Variants in XPO6 observed in about 807,000 individuals in gnomAD.
XPO6 encodes the protein exportin-6.
A neutral mutation model predicts 130.0 loss-of-function variants in XPO6; 3 were observed. That is an observed-to-expected ratio of 0.02 (90% CI 0.01 to 0.06). The LOEUF (loss-of-function observed/expected upper bound fraction) is 0.06, where lower values mean the gene tolerates loss of function less well. Ranked by LOEUF, XPO6 falls within the 10% of genes least tolerant of loss-of-function variation. XPO6 has a pLI of 1.00. For synonymous variants in XPO6, 524 were observed against 548.9 expected, an observed-to-expected ratio of 0.95 and a Z score of 0.63; for missense variants, 970 against 1,393.0, an observed-to-expected ratio of 0.70 and a Z score of 4.83.
At chr16:28,119,177 G>C (rs1049286868) in intron 14 of XPO6, among the ~76,000 whole-genome samples, 1 of 151,498 alleles carries the variant, frequency 6.6e-6, no homozygotes, top group East Asian at 1.9e-4. Context: ...CACTATGTCC[G>C]GCTATTTTTT....
At chr16:28,127,587 C>T (rs571869365) in intron 12 of XPO6, among the ~76,000 whole-genome samples, 1 of 152,276 alleles carries the variant, frequency 6.6e-6, no homozygotes, top group South Asian at 2.1e-4. Context: ...GTATTACTGA[C>T]AGTAAACACG....
At chr16:28,100,154 AT>A (rs996169167) in intron 23 of XPO6, among the ~76,000 whole-genome samples, 1 of 151,958 alleles carries the variant, frequency 6.6e-6, no homozygotes, top group Admixed American at 6.6e-5. Context: ...CACCTGACTA[AT>A]TTTTTTTATT....
rs1230980416 is a variant in XPO6 at position 28,176,066 on chromosome 16, G to T, written c.237C>A (p.Val79=). 6.8e-6 allele frequency: 11 copies of T among 1,613,992 alleles called. No homozygotes were observed. Among genetic ancestry groups the T allele is most frequent in the African/African-American group, 1.3e-5 (1 of 74,906 alleles). The change falls in exon 4 of 24, where the codon GTC becomes GTA. Residue 79 remains valine, a synonymous_variant. Transcript: ENST00000304658. ...ENLINKMWLG[V]PSQDKMEIRS... ...GGATTTCCATCTTATCCTGAGATGGGACCCCAAGCCACATTTTATTGATCA... is the reference window on the plus strand; with the variant it reads ...GGATTTCCATCTTATCCTGAGATGGTACCCCAAGCCACATTTTATTGATCA...
intron 12 of XPO6, among the ~76,000 whole-genome samples, chr16:28,128,597 A>T (rs1317988842): frequency 6.6e-6 from 1 of 152,172 alleles, no homozygotes; most frequent in African/African-American, 2.4e-5. Context: ...CCCTAAATCA[A>T]GTTTCCATTT....
At position 28,177,281 on chromosome 16, in the gene XPO6, A is replaced by G. The variant is rs1413595234; in HGVS notation, c.146T>C (p.Leu49Pro). 2 of 1,613,136 alleles carry G rather than the reference A, an allele frequency of 1.2e-6. No individual in the cohort carries two copies. Among genetic ancestry groups the G allele is most frequent in the African/African-American group, 2.7e-5 (2 of 74,920 alleles). ...ATTCCTAGTGCTGGAGAGAAAGTAC[A>G]GGCAGAATCTCCAGGCTCCTATTTG... ...AQQIGAWRFC[L>P]YFLSSTRNDY... Residue 49 changes from leucine (L) to proline (P), a missense_variant, in exon 3 of 24, where the codon CTG becomes CCG. Around this residue, in one of 4 missense-constraint regions of XPO6, gnomAD observed 13 missense variants for 32.0 expected, o/e 0.41. Coordinates refer to ENST00000304658, the MANE Select transcript of XPO6 (RefSeq NM_015171.4).
At chr16:28,163,370 C>G (rs1398765646) in intron 6 of XPO6, among the ~76,000 whole-genome samples, 4 of 152,212 alleles carry the variant, frequency 2.6e-5, no homozygotes, top group Non-Finnish European at 4.4e-5. Context: ...TTCATCATCA[C>G]GTATGTACAG....
intron 4 of XPO6, among the ~76,000 whole-genome samples, chr16:28,175,587 G>T (rs953945191): frequency 6.6e-6 from 1 of 152,004 alleles, no homozygotes; most frequent in Non-Finnish European, 1.5e-5. Flanking sequence ...CCCACTAAAC[G>T]CCGAAACTAC....
intron 1 of XPO6, among the ~76,000 whole-genome samples, chr16:28,189,209 G>A (rs930549287): frequency 2.4e-4 from 36 of 148,668 alleles, no homozygotes; most frequent in African/African-American, 8.9e-4. Context: ...GCCTCCAAAA[G>A]TGCTGGGATT....
At chr16:28,121,878 A>G in intron 13 of XPO6, 116 bp from the exon 14 acceptor site, 1 of 666,844 alleles carries the variant, frequency 1.5e-6, no homozygotes, top group East Asian at 2.6e-5. Flanking sequence ...TATACAAAAA[A>G]GAATCAAGAC....
intron 23 of XPO6, among the ~76,000 whole-genome samples, 155 bp from the exon 24 acceptor site, chr16:28,098,794 A>G (rs768307491): frequency 5.9e-5 from 9 of 152,166 alleles, no homozygotes; most frequent in African/African-American, 2.2e-4. Context: ...CGTGTCACAG[A>G]GACTCTGTGC....
chr16:28,165,416 A>G (rs1175921439), intron 6 of XPO6: 4 of 152,236 alleles, frequency 2.6e-5, no homozygotes, highest in Admixed American at 6.5e-5. Flanking sequence ...TTGCCACCAA[A>G]TACAAAGTTC....
intron 17 of XPO6, chr16:28,111,066 T>C (rs956027893): frequency 1.2e-4 from 19 of 152,262 alleles, no homozygotes; most frequent in Admixed American, 1.3e-4. Context: ...TATTATTCTA[T>C]TTTAATGTAT....
intron 4 of XPO6, among the ~76,000 whole-genome samples, chr16:28,170,255 C>T (rs2141851930): frequency 6.6e-6 from 1 of 150,700 alleles, no homozygotes; most frequent in Non-Finnish European, 1.5e-5. Flanking sequence ...TCGTTTGAAC[C>T]CAGGAGGTGG....
intron 12 of XPO6, among the ~76,000 whole-genome samples, chr16:28,131,752 CA>C (rs2042674465): frequency 6.6e-6 from 1 of 152,188 alleles, no homozygotes; most frequent in African/African-American, 2.4e-5. Context: ...GTCAATAACA[CA>C]GTGCCTGGCA....
intron 9 of XPO6, among the ~76,000 whole-genome samples, chr16:28,139,036 G>A (rs187183461): frequency 6.6e-5 from 10 of 152,272 alleles, no homozygotes. Context: ...GGTCTGAATT[G>A]TGCGACTCTT....
rs191660271 is a variant in XPO6, at chr16:28,138,976, C to T, written c.1335-3652G>A. 3.9e-5 allele frequency among the ~76,000 whole-genome samples: 6 copies of T among 152,264 alleles called. No individual in the cohort carries two copies. The East Asian group carries it at 9.6e-4, about 24-fold the overall frequency. On this transcript the variant is annotated intron_variant, in intron 9 of 23. Coordinates refer to ENST00000304658, the MANE Select transcript of XPO6 (RefSeq NM_015171.4). Reference sequence around the variant, plus strand: ...AAGATGACAAAGGTGTTGGAATTATCGATGACTCTAAAACAGCTATAATAA... The same window carrying T: ...AAGATGACAAAGGTGTTGGAATTATTGATGACTCTAAAACAGCTATAATAA...
chr16:28,155,798 G>C, intron 7 of XPO6: 1 of 608,266 alleles, frequency 1.6e-6, no homozygotes, highest in Non-Finnish European at 2.3e-6. Context: ...AGGAAAAGGG[G>C]GCAAGAGGAG....
intron 7 of XPO6, chr16:28,153,715 C>T (rs1442316356): frequency 6.1e-6 from 6 of 985,092 alleles, no homozygotes; most frequent in Middle Eastern, 5.2e-4. Context: ...ATTTCAGAGA[C>T]CAACACAAAA....
In XPO6 at chr16:28,162,021, T is replaced by C. The variant is rs185412833; in HGVS notation, c.643+4487A>G. The stretch of plus-strand genomic sequence containing the variant: ...CATATGTAAAATAATAGCATGTGTA[T>C]ACCATGACTACAAGCATAGAAAGAC... On this transcript the variant is annotated intron_variant, in intron 6 of 23. Transcript: ENST00000304658. Among the ~76,000 whole-genome samples the C allele has an allele frequency of 7.1e-4, 108 of 152,326 alleles. 2 individuals are homozygous for C. The East Asian group carries it at 0.02, about 28-fold the overall frequency.
Sources: allele counts gnomAD v4.1 joint callset (sites outside exome capture counted in the v4.1 genomes callset), GRCh38; gene constraint gnomAD v4.1.1; regional missense constraint gnomAD v4.1.1; transcripts MANE v1.5; gene names NCBI Gene and HGNC (gene_info 2026-07-23, HGNC 2026-07-21).